FRMPD3: variants seen among roughly 807,000 people sequenced by gnomAD.
The protein encoded by FRMPD3 is FERM and PDZ domain-containing protein 3.
FRMPD3 carries 42 observed loss-of-function variants against 97.9 expected under a neutral mutation model. The observed-to-expected ratio is 0.43, with a 90% CI of 0.34 to 0.55. The LOEUF is 0.55. Ranked by LOEUF, FRMPD3 falls within the 20% of genes least tolerant of loss-of-function variation. The pLI, the probability that FRMPD3 is intolerant of heterozygous loss-of-function variation, is 0.03. For missense variants in FRMPD3, 1,303 were observed against 1,457.7 expected (o/e 0.89, Z 1.73); for synonymous variants, 577 against 581.1 (o/e 0.99, Z 0.10).
At chrX:107,466,754 T>C (rs1180822806) in intron 1 of FRMPD3, among the ~76,000 whole-genome samples, 1 of 112,050 alleles carries the variant, frequency 8.9e-6, no homozygotes, top group Non-Finnish European at 1.9e-5. Flanking sequence ...ATGGGCCCTT[T>C]TATAGTCACC....
In FRMPD3 at chrX:107,603,340, A is replaced by T; in HGVS notation, c.5301A>T (p.Thr1767=). Residue 1767 remains threonine (T), a synonymous_variant, in exon 15 of 15, where the codon ACA becomes ACT. Transcript: ENST00000683843. ...GSPTSATVMS[T]FTHSLKTLIK is the part of the protein sequence containing the mutation. ...CAACTTCGGCGACTGTTATGAGCAC[A>T]TTCACCCACTCCTTAAAAACCCTTA... 8.7e-7 allele frequency: 1 copy of T among 1,146,190 alleles called. No individual in the cohort carries two copies. The highest frequency in any genetic ancestry group is 1.2e-6 in the Non-Finnish European group (1 of 863,410). The allele number at this position is 1,146,190 out of a possible 1,213,427, so 94.5% of individuals were successfully genotyped here. A position where few individuals can be genotyped will look rare whatever the true frequency, so the allele number is the denominator to read the frequency against.
chrX:107,512,174 T>G (rs928039725), intron 1 of FRMPD3, among the ~76,000 whole-genome samples: 1 of 110,858 alleles, frequency 9.0e-6, no homozygotes, highest in Non-Finnish European at 1.9e-5. Context: ...GCCCCTTGCC[T>G]GCTGCATCCC....
chrX:107,599,136 G>T (rs1186976338), intron 14 of FRMPD3, among the ~76,000 whole-genome samples: 1 of 110,420 alleles, frequency 9.1e-6, no homozygotes, highest in Non-Finnish European at 1.9e-5. Flanking sequence ...AACTGGGTGG[G>T]CTGGTGCACA....
intron 12 of FRMPD3, among the ~76,000 whole-genome samples, chrX:107,572,748 T>A (rs1238617211): frequency 9.3e-6 from 1 of 107,694 alleles, no homozygotes; most frequent in Admixed American, 1.0e-4. Context: ...AAAAAAAAAA[T>A]AAAAAAGCCT....
intron 13 of FRMPD3, among the ~76,000 whole-genome samples, chrX:107,595,651 G>GT (rs1474636814): frequency 9.0e-6 from 1 of 111,272 alleles, no homozygotes; most frequent in Non-Finnish European, 1.9e-5. Flanking sequence ...TGAAAGTGGA[G>GT]TATTGGCCGG....
intron 12 of FRMPD3, among the ~76,000 whole-genome samples, chrX:107,567,059 AC>A (rs754887614): frequency 3.6e-5 from 4 of 112,335 alleles, no homozygotes; most frequent in Non-Finnish European, 7.5e-5. Context: ...TTCCTGTGTG[AC>A]CTTCAGAAAG....
chrX:107,476,294 A>C (rs1921199797), intron 1 of FRMPD3, among the ~76,000 whole-genome samples: 1 of 112,815 alleles, frequency 8.9e-6, no homozygotes, highest in South Asian at 3.6e-4. Context: ...ATGCAGGCTT[A>C]CTTCATTATT....
At chrX:107,472,069 T>G (rs897617120) in intron 1 of FRMPD3, among the ~76,000 whole-genome samples, 1 of 112,671 alleles carries the variant, frequency 8.9e-6, no homozygotes, top group Non-Finnish European at 1.9e-5. Context: ...GAGCTTTTTT[T>G]CATGTTTGTT....
chrX:107,525,577 G>A (rs778186827), intron 1 of FRMPD3: 8 of 556,658 alleles, frequency 1.4e-5, no homozygotes, highest in African/African-American at 4.5e-5. Flanking sequence ...TCTTCTCCCA[G>A]TTCCTCTGGG....
At chrX:107,539,041 C>T (rs772886620) in intron 4 of FRMPD3, among the ~76,000 whole-genome samples, 31 of 110,976 alleles carry the variant, frequency 2.8e-4, no homozygotes, top group African/African-American at 6.9e-4. Flanking sequence ...CTGATTCATT[C>T]GAGCAGCAGA....
At chrX:107,502,643 A>T (rs762231060) in intron 1 of FRMPD3, among the ~76,000 whole-genome samples, 32 of 111,369 alleles carry the variant, frequency 2.9e-4, no homozygotes, top group Non-Finnish European at 4.7e-4. Flanking sequence ...AAAAGCCCTT[A>T]AAAAAAACCA....
intron 13 of FRMPD3, 138 bp downstream of exon 13, chrX:107,576,597 C>T: frequency 1.5e-6 from 1 of 645,557 alleles, no homozygotes; most frequent in East Asian, 3.4e-5. Context: ...CACTGTACCA[C>T]TATATCCTAG....
chrX:107,585,346 A>AT (rs1923595326), intron 13 of FRMPD3, among the ~76,000 whole-genome samples: 1 of 111,534 alleles, frequency 9.0e-6, no homozygotes, highest in East Asian at 2.8e-4. Context: ...TTTTGGGCTG[A>AT]GATGATGGGG....
chrX:107,475,288 G>GTCTGC (rs1282248403), intron 1 of FRMPD3, among the ~76,000 whole-genome samples: 2 of 111,899 alleles, frequency 1.8e-5, no homozygotes, highest in Non-Finnish European at 3.8e-5. Flanking sequence ...ACTTTCAAGT[G>GTCTGC]TCTGCTCTGC....
chrX:107,482,746 G>C (rs1921407405), intron 1 of FRMPD3, among the ~76,000 whole-genome samples: 1 of 112,297 alleles, frequency 8.9e-6, no homozygotes, highest in Admixed American at 9.4e-5. Context: ...GAGTTTGCTT[G>C]AGTAGGAGTA....
intron 4 of FRMPD3, among the ~76,000 whole-genome samples, chrX:107,535,902 T>G (rs1923215273): frequency 9.0e-6 from 1 of 110,711 alleles, no homozygotes; most frequent in African/African-American, 3.3e-5. Flanking sequence ...ATATCTACTA[T>G]GTACTCACAA....
At chrX:107,561,853 C>T (rs945019219) in intron 10 of FRMPD3, among the ~76,000 whole-genome samples, 4 of 112,529 alleles carry the variant, frequency 3.6e-5, no homozygotes, top group African/African-American at 1.3e-4. Context: ...CCACCATCTC[C>T]TCAGGTAACA....
At chrX:107,452,918 G>C (rs1280320100) in intron 1 of FRMPD3, among the ~76,000 whole-genome samples, 1 of 109,004 alleles carries the variant, frequency 9.2e-6, no homozygotes, top group Non-Finnish European at 1.9e-5. Context: ...GATGGGGGTG[G>C]GGGTGGGTAA....
At chrX:107,570,665 G>A (rs1337819650) in intron 12 of FRMPD3, among the ~76,000 whole-genome samples, 2 of 111,460 alleles carry the variant, frequency 1.8e-5, no homozygotes, top group Non-Finnish European at 3.8e-5. Context: ...TCCCAGTGCT[G>A]TGGAGGCAAG....
Sources: allele counts gnomAD v4.1 joint callset (sites outside exome capture counted in the v4.1 genomes callset), GRCh38; gene constraint gnomAD v4.1.1; transcripts MANE v1.5; gene names NCBI Gene and HGNC (gene_info 2026-07-23, HGNC 2026-07-21).